Variants in SLC25A48 observed in about 807,000 individuals in gnomAD.
SLC25A48 encodes the protein solute carrier family 25 member 48.
SLC25A48 carries 29 observed loss-of-function variants against 32.2 expected under a neutral mutation model. The observed-to-expected ratio is 0.90, with a 90% CI of 0.67 to 1.23. The LOEUF is 1.23. SLC25A48 is among the 50% of genes most tolerant of loss of function. The probability of loss-of-function intolerance (pLI) is 0.00; values close to 1 mark genes in which losing one functional copy is unlikely to be tolerated. For missense variants in SLC25A48, 399 were observed against 422.7 expected, an observed-to-expected ratio of 0.94 and a Z score of 0.49; for synonymous variants, 164 against 172.3, an observed-to-expected ratio of 0.95 and a Z score of 0.38.
intron 1 of SLC25A48, among the ~76,000 whole-genome samples, chr5:135,612,678 G>A (rs1392003457): frequency 1.3e-5 from 2 of 152,172 alleles, no homozygotes; most frequent in Admixed American, 6.5e-5. Context: ...CACTTAACAT[G>A]ATGACCCCCA....
intron 2 of SLC25A48, among the ~76,000 whole-genome samples, chr5:135,848,080 G>A (rs1297250041): frequency 6.6e-6 from 1 of 152,114 alleles, no homozygotes; most frequent in Non-Finnish European, 1.5e-5. Flanking sequence ...CTAGAGACTT[G>A]GGCTTTGCTG....
chr5:135,636,841 A>G (rs757308949), intron 3 of SLC25A48, among the ~76,000 whole-genome samples: 13 of 152,240 alleles, frequency 8.5e-5, no homozygotes, highest in Non-Finnish European at 1.6e-4. Context: ...CATGTGGGCT[A>G]TTGATAGCCA....
intron 1 of SLC25A48, among the ~76,000 whole-genome samples, chr5:135,626,286 C>G (rs184119032): frequency 2.6e-5 from 4 of 152,352 alleles, no homozygotes; most frequent in African/African-American, 9.6e-5. Context: ...TTTCCACACC[C>G]AGCTGTTTTT....
chr5:135,681,033 T>C (rs1053297962), intron 3 of SLC25A48, among the ~76,000 whole-genome samples: 2 of 152,170 alleles, frequency 1.3e-5, no homozygotes, highest in African/African-American at 4.8e-5. Flanking sequence ...TTGGCAAGGA[T>C]AGAGTGCAAT....
rs192813295 is a variant in SLC25A48 at position 135,714,174 on chromosome 5, G to A, written c.-521+79218G>A. ...TGGCCAGAGTGCAGAGAGGCGCATC[G>A]GCTGAGGGGTTGGCATGCCCCTGTT... On this transcript the variant is annotated intron_variant, in intron 3 of 10. Transcript: ENST00000646290. Among the ~76,000 whole-genome samples the A allele has an allele frequency of 2.0e-3, 304 of 152,306 alleles. 2 individuals are homozygous for A. Among genetic ancestry groups the A allele is most frequent in the Non-Finnish European group, 2.7e-3 (181 of 68,030 alleles).
upstream of SLC25A48, among the ~76,000 whole-genome samples, chr5:135,833,260 C>G (rs1195521978): frequency 6.6e-6 from 1 of 152,280 alleles, no homozygotes; most frequent in Non-Finnish European, 1.5e-5. Flanking sequence ...CTTTCTGGGC[C>G]TGGGAGGCCA....
At chr5:135,600,566 T>G (rs968138072) in intron 1 of SLC25A48, among the ~76,000 whole-genome samples, 1 of 152,208 alleles carries the variant, frequency 6.6e-6, no homozygotes, top group African/African-American at 2.4e-5. Context: ...TTGTTCCTCC[T>G]GCTTGGAATG....
Position 135,657,656 on chromosome 5 carries a change from T to C in SLC25A48, c.-521+22700T>C, listed in dbSNP as rs192954577. Among the ~76,000 whole-genome samples, 55 of 152,314 alleles carry C rather than the reference T, an allele frequency of 3.6e-4. No individual in the cohort carries two copies. In the East Asian group the frequency reaches 8.9e-3, roughly 25 times the overall value. ...TTCCCTCTAGCATGACAGGCCCTAC[T>C]GGGCTCTGAATAAAGAGCTACTGAC... On this transcript the variant is annotated intron_variant, in intron 3 of 10. Transcript: ENST00000646290.
Position 135,782,474 on chromosome 5 carries a change from C to T in SLC25A48, c.-520-30049C>T, listed in dbSNP as rs1294144542. On this transcript the variant is annotated intron_variant, in intron 3 of 10. Transcript: ENST00000646290. Reference sequence around the variant, plus strand: ...CGAGCAGGGGGAAGGTGATATTACTCCTAATATTGCAGGGTGTGTACAACA... The same window carrying T: ...CGAGCAGGGGGAAGGTGATATTACTTCTAATATTGCAGGGTGTGTACAACA... Among the ~76,000 whole-genome samples the T allele has an allele frequency of 5.2e-5, 6 of 116,316 alleles. 2 individuals carry two copies. Among genetic ancestry groups the T allele is most frequent in the Non-Finnish European group, 1.1e-4 (5 of 47,114 alleles). The allele number at this position is 116,316 out of a possible 152,430, so 76.3% of individuals were successfully genotyped here.
At chr5:135,770,804 A>C (rs760834537) in intron 3 of SLC25A48, among the ~76,000 whole-genome samples, 1 of 149,524 alleles carries the variant, frequency 6.7e-6, no homozygotes, top group Non-Finnish European at 1.5e-5. Flanking sequence ...CAAAGGGTGT[A>C]TACCCTCCCT....
chr5:135,646,180 G>A (rs1048425989), intron 3 of SLC25A48, among the ~76,000 whole-genome samples: 25 of 152,166 alleles, frequency 1.6e-4, no homozygotes, highest in African/African-American at 5.8e-4. Flanking sequence ...TTTCCCGCTG[G>A]AAGGATTTGC....
intron 3 of SLC25A48, among the ~76,000 whole-genome samples, chr5:135,692,615 AGAG>A (rs1754173343): frequency 6.6e-6 from 1 of 152,214 alleles, no homozygotes; most frequent in South Asian, 2.1e-4. Context: ...TGCCCCAGAC[AGAG>A]GAGAAGTCAC....
intron 1 of SLC25A48, among the ~76,000 whole-genome samples, chr5:135,624,299 AC>A (rs1752394545): frequency 6.6e-6 from 1 of 152,202 alleles, no homozygotes; most frequent in African/African-American, 2.4e-5. Context: ...GGGGCTACCC[AC>A]AAGTGGGACA....
At chr5:135,863,494 A>G (rs1271259161) in intron 4 of SLC25A48, among the ~76,000 whole-genome samples, 3 of 152,250 alleles carry the variant, frequency 2.0e-5, no homozygotes. Flanking sequence ...GGATGGCAGC[A>G]AAGAGAAGAC....
intron 7 of SLC25A48, among the ~76,000 whole-genome samples, chr5:135,886,701 AGTGT>A (rs1203133222): frequency 1.7e-5 from 2 of 117,696 alleles, no homozygotes; most frequent in Admixed American, 8.8e-5. Context: ...AGAGAGAGAG[AGTGT>A]GTGTGTGTGT....
chr5:135,848,309 G>A (rs1228776982), intron 2 of SLC25A48, among the ~76,000 whole-genome samples: 1 of 152,150 alleles, frequency 6.6e-6, no homozygotes, highest in Non-Finnish European at 1.5e-5. Context: ...ACTTTCCAGG[G>A]ACAGCCCTGG....
chr5:135,691,569 G>A (rs1754144435), intron 3 of SLC25A48, among the ~76,000 whole-genome samples: 1 of 152,196 alleles, frequency 6.6e-6, no homozygotes, highest in South Asian at 2.1e-4. Flanking sequence ...CCAGGACTGA[G>A]GGGTATCCTG....
intron 4 of SLC25A48, among the ~76,000 whole-genome samples, chr5:135,821,474 C>G (rs904419567): frequency 1.3e-5 from 2 of 152,186 alleles, no homozygotes; most frequent in Admixed American, 6.5e-5. Context: ...CTTGGGGGAA[C>G]AGATCCTTGG....
At position 135,597,857 on chromosome 5, in the gene SLC25A48, A is replaced by G. The variant is rs183242567; in HGVS notation, c.-849+18260A>G. Among the ~76,000 whole-genome samples, 1,398 of 152,272 alleles carry G rather than the reference A, an allele frequency of 9.2e-3. 14 individuals carry two copies. The highest frequency in any genetic ancestry group is 0.032 in the African/African-American group (1,329 of 41,540). ...TGCCTCTACTAAAAATACAAAAATT[A>G]GCCGGGCATGGTGCTGCACGCCTGT... On this transcript the variant is annotated intron_variant, in intron 1 of 10. Transcript: ENST00000646290.
Sources: gnomAD v4.1 joint callset for allele counts (sites outside exome capture counted in the v4.1 genomes callset) on GRCh38, gnomAD v4.1.1 for gene constraint, MANE v1.5 for transcripts, NCBI Gene and HGNC (gene_info 2026-07-23, HGNC 2026-07-21) for gene names.